Variants in SRP19 observed in about 807,000 individuals in gnomAD.
The protein encoded by SRP19 is signal recognition particle 19.
SRP19 carries 11 observed loss-of-function variants against 22.4 expected under a neutral mutation model. That is an observed-to-expected ratio of 0.49 (90% CI 0.31 to 0.81). The LOEUF is 0.81. Ranked by LOEUF, SRP19 falls within the 40% of genes least tolerant of loss-of-function variation. The pLI, the probability that SRP19 is intolerant of heterozygous loss-of-function variation, is 0.05. For synonymous variants in SRP19, 61 were observed against 57.6 expected (o/e 1.06, Z -0.27); for missense variants, 168 against 175.9 (o/e 0.96, Z 0.25).
exon 5 of SRP19, chr5:112,892,957 C>T (rs769530839): frequency 3.3e-5 from 52 of 1,595,150 alleles, no homozygotes; most frequent in East Asian, 1.1e-4. Flanking sequence ...GGACCAGGGC[C>T]GCCGGAGCCA....
At chr5:112,863,642 G>T (rs967671037) in intron 2 of SRP19, among the ~76,000 whole-genome samples, 6 of 152,118 alleles carry the variant, frequency 3.9e-5, no homozygotes, top group Non-Finnish European at 8.8e-5. Flanking sequence ...GTGTGAGTAT[G>T]CCAAAGTCTT....
downstream of SRP19, chr5:112,894,611 T>C (rs1768622183): frequency 6.6e-6 from 1 of 152,246 alleles, no homozygotes; most frequent in Non-Finnish European, 1.5e-5. Context: ...GGATGTGCTA[T>C]GTATTCCTGC....
intron 4 of SRP19, among the ~76,000 whole-genome samples, chr5:112,879,854 A>G (rs1214122660): frequency 6.6e-6 from 1 of 151,820 alleles, no homozygotes; most frequent in Admixed American, 6.5e-5. Context: ...TGAGGTGGGA[A>G]GATCGCTTGA....
intron 4 of SRP19, among the ~76,000 whole-genome samples, chr5:112,886,001 G>GGC (rs1452554302): frequency 6.6e-6 from 1 of 152,192 alleles, no homozygotes; most frequent in African/African-American, 2.4e-5. Context: ...TGGGTATGAG[G>GGC]GCTCCCCTTT....
chr5:112,866,788 C>T (rs13362040), intron 4 of SRP19, among the ~76,000 whole-genome samples: 2,649 of 152,240 alleles, frequency 0.017, 78 homozygotes, highest in African/African-American at 0.06. Context: ...CAAACAAAAA[C>T]TTGTAATTAA....
intron 4 of SRP19, among the ~76,000 whole-genome samples, chr5:112,886,593 CT>C (rs1212749231): frequency 1.3e-5 from 2 of 152,160 alleles, no homozygotes; most frequent in African/African-American, 4.8e-5. Context: ...TAGAAATTTA[CT>C]ACGTAAATGC....
At chr5:112,873,239 T>C (rs777573118), downstream of SRP19, among the ~76,000 whole-genome samples, 8 of 149,746 alleles carry the variant, frequency 5.3e-5, no homozygotes, top group Non-Finnish European at 1.2e-4. Context: ...TTTATTTGAC[T>C]ATTAGACCTG....
intron 4 of SRP19, chr5:112,882,092 T>G (rs1016459739): frequency 1.3e-5 from 2 of 153,980 alleles, no homozygotes; most frequent in African/African-American, 4.8e-5. Flanking sequence ...TTTTAATTAT[T>G]GATGATTTTA....
intron 4 of SRP19, among the ~76,000 whole-genome samples, chr5:112,883,834 C>T (rs1377241331): frequency 6.6e-6 from 1 of 152,192 alleles, no homozygotes; most frequent in Non-Finnish European, 1.5e-5. Flanking sequence ...TCTTCTCCAG[C>T]TCAGTGGCAA....
chr5:112,864,661 A>T lies in SRP19; in HGVS notation c.230A>T (p.Gln77Leu), dbSNP rs770847535. The T allele has an allele frequency of 6.2e-7, 1 of 1,614,202 alleles. No individual in the cohort carries two copies. Among genetic ancestry groups the T allele is most frequent in the Non-Finnish European group, 8.5e-7 (1 of 1,180,036 alleles). Residue 77 changes from glutamine to leucine, a missense_variant, in exon 4 of 5, where the codon CAA becomes CTA. Physicochemically the swap from Gln to Leu is moderately radical, Grantham distance 113 (BLOSUM62 -2). Coordinates refer to ENST00000505459, the MANE Select transcript of SRP19 (RefSeq NM_003135.3). ...MYSREWNRDV[Q>L]YRGRVRVQLK... is the part of the protein sequence containing the mutation. ...TCTAGAGAATGGAATCGTGATGTCC[A>T]ATACAGAGGCAGAGTCCGGGTCCAG...
At position 112,864,548 on chromosome 5, in the gene SRP19, T is replaced by C; in HGVS notation, c.189+20T>C. 4 of 1,613,048 alleles carry C rather than the reference T, an allele frequency of 2.5e-6. No homozygotes were observed. The highest frequency in any genetic ancestry group is 3.4e-6 in the Non-Finnish European group (4 of 1,179,032). On this transcript the variant is annotated intron_variant, in intron 3 of 4. Coordinates refer to ENST00000505459, the MANE Select transcript of SRP19 (RefSeq NM_003135.3). ...CTTGAGGTATGACGTGGTTCTTCAC[T>C]ATTTTCCATACTCATCTAATTGATG...
intron 3 of SRP19, 24 bp downstream of exon 3, chr5:112,864,552 T>G (rs1767525173): frequency 3.1e-6 from 5 of 1,612,908 alleles, no homozygotes; most frequent in Non-Finnish European, 4.2e-6. Context: ...CTTCACTATT[T>G]TCCATACTCA....
At chr5:112,892,544 T>A in exon 5 of SRP19, 1 of 1,614,220 alleles carries the variant, frequency 6.2e-7, no homozygotes, top group Non-Finnish European at 8.5e-7. Context: ...GGACGACAGC[T>A]GCAATGTGAA....
exon 5 of SRP19, chr5:112,892,131 C>G: frequency 6.2e-7 from 1 of 1,614,128 alleles, no homozygotes; most frequent in South Asian, 1.1e-5. Context: ...CAGAACCACC[C>G]GTGGATTTCA....
downstream of SRP19, chr5:112,893,283 G>A (rs1288078500): frequency 3.5e-5 from 9 of 254,954 alleles, no homozygotes; most frequent in Admixed American, 1.0e-4. Context: ...GGTGGCAGGC[G>A]TCTGTAATCC....
At chr5:112,892,126 C>T (rs1768482384) in exon 5 of SRP19, 18 of 1,614,172 alleles carry the variant, frequency 1.1e-5, no homozygotes, top group Non-Finnish European at 1.4e-5. Context: ...AAACCCAGAA[C>T]CACCCGTGGA....
chr5:112,896,059 T>C (rs994872481), downstream of SRP19: 1 of 152,684 alleles, frequency 6.5e-6, no homozygotes, highest in Non-Finnish European at 1.5e-5. Flanking sequence ...GGTAGGGGTA[T>C]GCTTAACATG....
At chr5:112,890,189 T>C (rs931008205) in intron 4 of SRP19, among the ~76,000 whole-genome samples, 11 of 149,406 alleles carry the variant, frequency 7.4e-5, no homozygotes, top group South Asian at 2.1e-4. Context: ...TCCTGGGAGG[T>C]TGAGGTGGGA....
At chr5:112,876,549 A>C (rs1767900798) in intron 4 of SRP19, 1 of 152,222 alleles carries the variant, frequency 6.6e-6, no homozygotes, top group Non-Finnish European at 1.5e-5. Flanking sequence ...TGAAGCCTTC[A>C]GGTAAGGGAA....
Sources: allele counts gnomAD v4.1 joint callset (sites outside exome capture counted in the v4.1 genomes callset), GRCh38; gene constraint gnomAD v4.1.1; transcripts MANE v1.5; gene names NCBI Gene and HGNC (gene_info 2026-07-23, HGNC 2026-07-21).